The following AGAP1 variants were observed in gnomAD, a reference collection of about 807,000 sequenced individuals.
The protein encoded by AGAP1 is ArfGAP with GTPase domain, ankyrin repeat and PH domain 1.
In AGAP1, 29 loss-of-function variants were observed where a neutral mutation model predicts 105.3. The observed-to-expected ratio is 0.28, with a 90% CI of 0.21 to 0.38. The LOEUF (loss-of-function observed/expected upper bound fraction) is 0.38, where lower values mean the gene tolerates loss of function less well. AGAP1 is among the 10% of genes least tolerant of loss of function. The pLI is 1.00. For synonymous variants in AGAP1, 509 were observed against 485.9 expected (o/e 1.05, Z -0.63); for missense variants, 998 against 1,165.1 (o/e 0.86, Z 2.09).
In AGAP1 at chr2:235,569,416, C is replaced by T. The variant is rs1944449107; in HGVS notation, c.163+74567C>T. ...ATCCTTGAATCTTCCTAGCAGCCTTCCAAAGTAGGCTTCGGGATTCAGTTT... is the reference window on the plus strand; with the variant it reads ...ATCCTTGAATCTTCCTAGCAGCCTTTCAAAGTAGGCTTCGGGATTCAGTTT... On this transcript the variant is annotated intron_variant, in intron 1 of 17. Coordinates refer to ENST00000304032, the MANE Select transcript of AGAP1 (RefSeq NM_001037131.3). This position sits in a 1 kb window ranked among gnomAD's most constrained non-coding sequence, Gnocchi z 5.9. 6.6e-6 allele frequency among the ~76,000 whole-genome samples: 1 copy of T among 152,188 alleles called. No homozygotes were observed. Among genetic ancestry groups the T allele is most frequent in the African/African-American group, 2.4e-5 (1 of 41,452 alleles).
chr2:235,990,186 ATAT>A (rs2055500732), intron 13 of AGAP1, among the ~76,000 whole-genome samples: 1 of 152,164 alleles, frequency 6.6e-6, no homozygotes, highest in South Asian at 2.1e-4. Flanking sequence ...AAAAGCTCAA[ATAT>A]TATCTGTTAT....
chr2:235,736,182 C>T lies in AGAP1; in HGVS notation c.311-4781C>T, dbSNP rs1361993791. The stretch of plus-strand genomic sequence containing the variant: ...GCAGCTGCGACCGATCTGTCTGGTT[C>T]CTCACCCTGGGGGTGCCCGCCGTTG... On this transcript the variant is annotated intron_variant, in intron 3 of 17. Transcript: ENST00000304032. The surrounding 1 kb of genome is among the most constrained non-coding windows in gnomAD (Gnocchi z 5.5). 6.6e-6 allele frequency among the ~76,000 whole-genome samples: 1 copy of T among 151,820 alleles called. No homozygotes were observed. The highest frequency in any genetic ancestry group is 1.5e-5 in the Non-Finnish European group (1 of 68,000).
chr2:235,802,272 A>T (rs1229069573), intron 8 of AGAP1, among the ~76,000 whole-genome samples: 1 of 152,224 alleles, frequency 6.6e-6, no homozygotes, highest in Non-Finnish European at 1.5e-5. Context: ...ACAGGCATCC[A>T]TGAAGAGGCC....
At chr2:235,984,301 A>G (rs2055213021) in intron 13 of AGAP1, among the ~76,000 whole-genome samples, 1 of 152,298 alleles carries the variant, frequency 6.6e-6, no homozygotes, top group African/African-American at 2.4e-5. Flanking sequence ...GTTGACAGAC[A>G]CTTGGATTGT....
chr2:235,797,959 C>A, intron 7 of AGAP1, 73 bp downstream of exon 7: 1 of 1,524,062 alleles, frequency 6.6e-7, no homozygotes, highest in South Asian at 1.3e-5. Flanking sequence ...CCAGCCAATG[C>A]TAAGGTTGAT....
intron 1 of AGAP1, among the ~76,000 whole-genome samples, chr2:235,590,665 A>ATGTGTG (rs147286191): frequency 0.3 from 37,478 of 126,826 alleles, 5,973 homozygotes; most frequent in Middle Eastern, 0.43. Context: ...TTTTGTTTTA[A>ATGTGTG]TGTGTGTGTG....
In AGAP1 at chr2:235,586,398, A is replaced by G. The variant is rs1945113589; in HGVS notation, c.163+91549A>G. ...GGGAAAGAGACGGATGTTGAGCCTG[A>G]AGAGGCTGTGACCTCCCCAAATACT... On this transcript the variant is annotated intron_variant, in intron 1 of 17. Transcript: ENST00000304032. The surrounding 1 kb of genome is among the most constrained non-coding windows in gnomAD (Gnocchi z 4.2). Among the ~76,000 whole-genome samples the G allele has an allele frequency of 6.6e-6, 1 of 152,174 alleles. No individual in the cohort carries two copies.
chr2:235,829,081 C>T (rs1959182511), intron 9 of AGAP1, among the ~76,000 whole-genome samples: 1 of 152,076 alleles, frequency 6.6e-6, no homozygotes, highest in Non-Finnish European at 1.5e-5. Context: ...TAGATGGGCA[C>T]CAGTGACTGG....
At chr2:235,519,419 A>G (rs1942532380) in intron 1 of AGAP1, among the ~76,000 whole-genome samples, 1 of 152,134 alleles carries the variant, frequency 6.6e-6, no homozygotes, top group Non-Finnish European at 1.5e-5. Flanking sequence ...GAATTTGAAG[A>G]TATAATTCCT....
rs765979634 is a variant in AGAP1, at chr2:235,635,941, C to T, written c.164-73238C>T. 4.0e-5 allele frequency among the ~76,000 whole-genome samples: 6 copies of T among 151,548 alleles called. No individual in the cohort carries two copies. Among genetic ancestry groups the T allele is most frequent in the East Asian group, 1.9e-4 (1 of 5,144 alleles). ...CAGCCTGGCCAACATGGTGAAACCC[C>T]GTCTCTACTAAAACTACAAAAATGA... On this transcript the variant is annotated intron_variant, in intron 1 of 17. Coordinates refer to ENST00000304032, the MANE Select transcript of AGAP1 (RefSeq NM_001037131.3). The surrounding 1 kb of genome is among the most constrained non-coding windows in gnomAD (Gnocchi z 5.3).
chr2:235,909,030 T>C, intron 11 of AGAP1, 124 bp downstream of exon 11: 1 of 958,822 alleles, frequency 1.0e-6, no homozygotes, highest in Non-Finnish European at 1.5e-6. Context: ...GATTAAGGTT[T>C]AGAAACCTGA....
chr2:235,895,700 TGGA>T (rs2050769844), intron 10 of AGAP1, among the ~76,000 whole-genome samples: 4 of 82,800 alleles, frequency 4.8e-5, no homozygotes, highest in African/African-American at 2.2e-4. Context: ...ACTGGCTTGT[TGGA>T]TGGATGGATG....
chr2:235,746,154 G>A (rs772585306), intron 5 of AGAP1, among the ~76,000 whole-genome samples: 6 of 151,676 alleles, frequency 4.0e-5, no homozygotes, highest in Non-Finnish European at 5.9e-5. Context: ...GCATGTTGGC[G>A]GGTGTCTGTA....
At chr2:236,034,255 G>A (rs1384302684) in intron 13 of AGAP1, among the ~76,000 whole-genome samples, 1 of 151,958 alleles carries the variant, frequency 6.6e-6, no homozygotes, top group East Asian at 1.9e-4. Flanking sequence ...CGATATCATT[G>A]TAAGTCAGCC....
chr2:236,061,178 A>C lies in AGAP1; in HGVS notation c.2114+11897A>C, dbSNP rs1272488136. Among the ~76,000 whole-genome samples the C allele has an allele frequency of 1.3e-5, 2 of 152,230 alleles. No homozygotes were observed. Among genetic ancestry groups the C allele is most frequent in the Non-Finnish European group, 2.9e-5 (2 of 68,036 alleles). On this transcript the variant is annotated intron_variant, in intron 16 of 17. Transcript: ENST00000304032. The surrounding 1 kb of genome is among the most constrained non-coding windows in gnomAD (Gnocchi z 4.1). The stretch of plus-strand genomic sequence containing the variant: ...AAGATGCCTAATGTCATTACTTTTT[A>C]GGGAAATGCAGATCACCCTTGAGCC...
chr2:235,592,691 G>A (rs56000926), intron 1 of AGAP1, among the ~76,000 whole-genome samples: 55,883 of 152,038 alleles, frequency 0.37, 10,618 homozygotes, highest in Middle Eastern at 0.53. Context: ...GCTGGATGTC[G>A]CACATGGAGA....
At position 236,131,120 on chromosome 2, in the gene AGAP1, C is replaced by G. The variant is rs1272889208; in HGVS notation, c.*6998C>G. ...ACTTGAAAAGCATCAGTTTCCCTCC[C>G]ACGGCTGGGTTTTTGTGTCTGAAAT... On this transcript the variant is annotated 3_prime_UTR_variant, in exon 18 of 18. Coordinates refer to ENST00000304032, the MANE Select transcript of AGAP1 (RefSeq NM_001037131.3). The surrounding 1 kb of genome is among the most constrained non-coding windows in gnomAD (Gnocchi z 5.9). 6.6e-6 allele frequency: 1 copy of G among 152,260 alleles called. No homozygotes were observed. The highest frequency in any genetic ancestry group is 1.5e-5 in the Non-Finnish European group (1 of 68,110). 9.4% of individuals were successfully genotyped at this position (152,260 alleles called of 1,614,324 possible).
At chr2:235,770,336 A>G (rs554152988) in intron 6 of AGAP1, among the ~76,000 whole-genome samples, 29 of 151,952 alleles carry the variant, frequency 1.9e-4, no homozygotes, top group African/African-American at 6.8e-4. Context: ...CGGGTTTCAC[A>G]GTGTTTGCCA....
At chr2:235,643,412 CAA>C (rs1947262454) in intron 1 of AGAP1, among the ~76,000 whole-genome samples, 1 of 86,762 alleles carries the variant, frequency 1.2e-5, no homozygotes, top group Non-Finnish European at 2.0e-5. Context: ...GCCTGGGCAA[CAA>C]GAGAGAGACT....
Sources: gnomAD v4.1 joint callset for allele counts (sites outside exome capture counted in the v4.1 genomes callset) on GRCh38, gnomAD v4.1.1 for gene constraint, Gnocchi (gnomAD v3.1) non-coding constraint, MANE v1.5 for transcripts, NCBI Gene and HGNC (gene_info 2026-07-23, HGNC 2026-07-21) for gene names.